U2AF2: variants seen among roughly 807,000 people sequenced by gnomAD.
U2AF2 encodes the protein splicing factor U2AF 65 kDa subunit.
In U2AF2, 6 loss-of-function variants were observed where a neutral mutation model predicts 52.6. The observed-to-expected ratio is 0.11, with a 90% CI of 0.06 to 0.23. The LOEUF is 0.23. U2AF2 is among the 10% of genes least tolerant of loss of function. The probability of loss-of-function intolerance (pLI) is 1.00; values close to 1 mark genes in which losing one functional copy is unlikely to be tolerated. For synonymous variants in U2AF2, 284 were observed against 258.2 expected, an observed-to-expected ratio of 1.10 and a Z score of -0.96; for missense variants, 222 against 677.1, an observed-to-expected ratio of 0.33 and a Z score of 7.46.
At chr19:55,656,207 G>A (rs1227016055) in intron 1 of U2AF2, among the ~76,000 whole-genome samples, 1 of 152,240 alleles carries the variant, frequency 6.6e-6, no homozygotes, top group African/African-American at 2.4e-5. Flanking sequence ...AAGAAATACA[G>A]GACCAGGGAA....
chr19:55,670,645 T>G (rs1330912178), intron 11 of U2AF2: 1 of 258,582 alleles, frequency 3.9e-6, no homozygotes, highest in Non-Finnish European at 7.7e-6. Flanking sequence ...GGTCAAGAGG[T>G]GGCAGTGAGC....
chr19:55,661,938 C>G (rs973101283), intron 5 of U2AF2: 1 of 153,608 alleles, frequency 6.5e-6, no homozygotes, highest in Non-Finnish European at 1.5e-5. Flanking sequence ...TTCTCCTCCC[C>G]TCCCGTCCCT....
chr19:55,655,200 G>A, intron 1 of U2AF2, 47 bp downstream of exon 1: 1 of 1,562,826 alleles, frequency 6.4e-7, no homozygotes, highest in Non-Finnish European at 8.7e-7. Context: ...GGCTCCTCGC[G>A]TCGCTCTTTG....
intron 11 of U2AF2, among the ~76,000 whole-genome samples, chr19:55,671,014 G>A (rs1984883224): frequency 6.6e-6 from 1 of 152,202 alleles, no homozygotes; most frequent in Admixed American, 6.5e-5. Context: ...GGCTGGCTCT[G>A]CAGGGCCAGA....
At chr19:55,669,933 A>C (rs1471079201) in intron 11 of U2AF2, among the ~76,000 whole-genome samples, 1 of 152,192 alleles carries the variant, frequency 6.6e-6, no homozygotes, top group East Asian at 1.9e-4. Flanking sequence ...GTGGGGGCCC[A>C]AGACCTGCAG....
chr19:55,666,632 A>G (rs568567191), intron 7 of U2AF2, among the ~76,000 whole-genome samples: 8 of 152,328 alleles, frequency 5.3e-5, no homozygotes, highest in African/African-American at 1.7e-4. Context: ...GGCTCACACG[A>G]TGGGCACCAG....
intron 1 of U2AF2, among the ~76,000 whole-genome samples, chr19:55,657,350 T>C (rs1194017277): frequency 6.6e-6 from 1 of 152,248 alleles, no homozygotes; most frequent in Non-Finnish European, 1.5e-5. Flanking sequence ...CGCGTGTCAC[T>C]GCCTGTAGTC....
intron 4 of U2AF2, 35 bp downstream of exon 4, chr19:55,660,654 G>A (rs1473107755): frequency 6.3e-7 from 1 of 1,579,878 alleles, no homozygotes; most frequent in Non-Finnish European, 8.6e-7. Context: ...CAGAGCGGGA[G>A]GGTACAGGGG....
chr19:55,673,686 A>C, intron 11 of U2AF2, among the ~76,000 whole-genome samples: 1 of 152,004 alleles, frequency 6.6e-6, no homozygotes, highest in East Asian at 1.9e-4. Flanking sequence ...GGCTCTGCTG[A>C]GTTTCTGGCA....
intron 11 of U2AF2, 47 bp downstream of exon 11, chr19:55,669,739 C>G (rs1984764881): frequency 2.6e-6 from 4 of 1,532,180 alleles, no homozygotes; most frequent in Non-Finnish European, 3.5e-6. Context: ...TGCCCCTCCT[C>G]TTCTCCGCGC....
chr19:55,661,339 C>A, intron 5 of U2AF2, 150 bp downstream of exon 5: 1 of 876,042 alleles, frequency 1.1e-6, no homozygotes, highest in Non-Finnish European at 1.6e-6. Context: ...TGGAGTTGAG[C>A]CAGCCAGGGG....
rs753045322 is a variant in U2AF2 at position 55,659,226 on chromosome 19, C to A, written c.66C>A (p.Asn22Lys). ...CTTGCCCAGAGCGGGACAAGGAGAA[C>A]CGGCATCGGAAGCGCAGCCACAGCC... ...NENKQERDKE[N>K]RHRKRSHSRS... The change falls in exon 2 of 12, where the codon AAC becomes AAA. Residue 22 changes from asparagine to lysine, a missense_variant. By Grantham distance (94) the Asn-to-Lys change is moderately conservative (BLOSUM62 0). Around this residue, in one of 4 missense-constraint regions of U2AF2, gnomAD observed 100 missense variants for 144.1 expected, o/e 0.69. Coordinates refer to ENST00000308924, the MANE Select transcript of U2AF2 (RefSeq NM_007279.3). 6.3e-7 allele frequency: 1 copy of A among 1,594,496 alleles called. No homozygotes were observed. Among genetic ancestry groups the A allele is most frequent in the Admixed American group, 1.7e-5 (1 of 58,218 alleles).
intron 7 of U2AF2, among the ~76,000 whole-genome samples, chr19:55,666,316 T>C (rs1034334162): frequency 6.6e-6 from 1 of 152,228 alleles, no homozygotes; most frequent in African/African-American, 2.4e-5. Context: ...TGTGATGCTT[T>C]GTAGATGCAG....
intron 1 of U2AF2, among the ~76,000 whole-genome samples, chr19:55,655,957 TCA>T (rs1213526498): frequency 6.6e-6 from 1 of 152,058 alleles, no homozygotes; most frequent in Non-Finnish European, 1.5e-5. Flanking sequence ...CTGATAATAC[TCA>T]GTCTCAGATC....
intron 11 of U2AF2, among the ~76,000 whole-genome samples, chr19:55,670,943 C>A (rs1984878255): frequency 6.6e-6 from 1 of 152,182 alleles, no homozygotes; most frequent in Non-Finnish European, 1.5e-5. Flanking sequence ...GGAGGGCTTG[C>A]CGGGAGCTGG....
At chr19:55,664,917 C>T (rs1984452064) in intron 7 of U2AF2, among the ~76,000 whole-genome samples, 1 of 152,100 alleles carries the variant, frequency 6.6e-6, no homozygotes. Context: ...TGGGTTTCAC[C>T]ATGTTGGTCA....
chr19:55,660,148 TCC>T, intron 2 of U2AF2, 27 bp from the exon 3 acceptor site: 2 of 1,481,820 alleles, frequency 1.3e-6, no homozygotes, highest in Non-Finnish European at 1.8e-6. Context: ...CAGTCACCCC[TCC>T]CCATACCTTT....
chr19:55,662,475 C>G (rs779395439), intron 5 of U2AF2, 27 bp from the exon 6 acceptor site: 19 of 1,342,300 alleles, frequency 1.4e-5, no homozygotes, highest in Non-Finnish European at 1.7e-5. Flanking sequence ...CCCCCGCCCC[C>G]CCCCTTGTCT....
chr19:55,663,866 C>T (rs1984375052), intron 7 of U2AF2, 122 bp downstream of exon 7: 22 of 1,422,824 alleles, frequency 1.5e-5, no homozygotes, highest in Non-Finnish European at 5.7e-6. Context: ...AGATAGGTGC[C>T]TTTTCCCTGC....
Sources: gnomAD v4.1 joint callset for allele counts (sites outside exome capture counted in the v4.1 genomes callset) on GRCh38, gnomAD v4.1.1 for gene constraint, gnomAD v4.1.1 regional missense constraint, MANE v1.5 for transcripts, NCBI Gene and HGNC (gene_info 2026-07-23, HGNC 2026-07-21) for gene names.